The following LRRC37A2 variants were observed in gnomAD, a reference collection of about 807,000 sequenced individuals.
The protein encoded by LRRC37A2 is leucine-rich repeat-containing protein 37A2.
Under a neutral mutation model 68.8 loss-of-function variants are expected in LRRC37A2, and 9 were observed. The ratio of observed to expected loss-of-function variants is 0.13; its 90% CI spans 0.08 to 0.23. The LOEUF is 0.23. LRRC37A2 is among the 10% of genes least tolerant of loss of function. The pLI is 1.00. For missense variants in LRRC37A2, 168 were observed against 950.4 expected, an observed-to-expected ratio of 0.18 and a Z score of 10.82; for synonymous variants, 63 against 367.6, an observed-to-expected ratio of 0.17 and a Z score of 9.48.
At chr17:46,711,575 G>T in the LRRC37A2 span, among the ~76,000 whole-genome samples, 2 of 152,158 alleles carry the variant, frequency 1.3e-5, no homozygotes, top group Non-Finnish European at 2.9e-5. Flanking sequence ...TTTAGCATAG[G>T]GGTGGTCAGG....
chr17:46,496,468 T>C, the LRRC37A2 span, among the ~76,000 whole-genome samples: 1 of 147,574 alleles, frequency 6.8e-6, no homozygotes, highest in Admixed American at 6.7e-5. Context: ...CCTAGTGTGG[T>C]GGCACACGTC....
chr17:46,804,752 A>G, the LRRC37A2 span, among the ~76,000 whole-genome samples: 16 of 152,210 alleles, frequency 1.1e-4, no homozygotes, highest in African/African-American at 3.6e-4. Flanking sequence ...TCTGTCTTAC[A>G]AGAGGTTTGT....
At chr17:46,968,631 C>T in the LRRC37A2 span, 1 of 152,466 alleles carries the variant, frequency 6.6e-6, no homozygotes, top group Non-Finnish European at 1.5e-5. Context: ...AGTTGGCTTG[C>T]TCTTGCGCAC....
At chr17:46,847,294 G>T in the LRRC37A2 span, among the ~76,000 whole-genome samples, 29,774 of 152,094 alleles carry the variant, frequency 0.2, 3,581 homozygotes, top group East Asian at 0.5. Flanking sequence ...GAAAAATCAA[G>T]TCTTCCATCC....
chr17:46,959,898 A>G, the LRRC37A2 span, among the ~76,000 whole-genome samples: 2 of 152,166 alleles, frequency 1.3e-5, no homozygotes, highest in Non-Finnish European at 2.9e-5. Context: ...TTCATGAGAG[A>G]GCTCCTCTAA....
the LRRC37A2 span, chr17:46,965,038 C>T: frequency 1.1e-4 from 16 of 152,172 alleles, no homozygotes; most frequent in Admixed American, 4.6e-4. Context: ...TTTCACCCTC[C>T]GGTAAGTACA....
At chr17:47,003,506 A>G in the LRRC37A2 span, among the ~76,000 whole-genome samples, 1 of 152,250 alleles carries the variant, frequency 6.6e-6, no homozygotes, top group Non-Finnish European at 1.5e-5. Flanking sequence ...AGGAGGGTAC[A>G]GTGCTCTGTC....
chr17:46,633,322 G>GT, the LRRC37A2 span, among the ~76,000 whole-genome samples: 282 of 88,158 alleles, frequency 3.2e-3, 8 homozygotes, highest in African/African-American at 9.0e-3. Context: ...TTGTTTTTTT[G>GT]TTTTTTTTTT....
the LRRC37A2 span, among the ~76,000 whole-genome samples, chr17:46,796,452 T>C: frequency 7.2e-5 from 11 of 152,212 alleles, no homozygotes; most frequent in Non-Finnish European, 1.3e-4. Context: ...TGGCCCACAT[T>C]ACCCAGGTAA....
chr17:46,952,079 G>A, the LRRC37A2 span, among the ~76,000 whole-genome samples: 1 of 152,198 alleles, frequency 6.6e-6, no homozygotes, highest in African/African-American at 2.4e-5. Flanking sequence ...TTTTTGTGAA[G>A]CTATTTTTTT....
At chr17:46,766,137 G>T in the LRRC37A2 span, among the ~76,000 whole-genome samples, 3 of 152,214 alleles carry the variant, frequency 2.0e-5, no homozygotes, top group Non-Finnish European at 4.4e-5. Context: ...GGCCGGGCGC[G>T]GTGGCTCACG....
the LRRC37A2 span, among the ~76,000 whole-genome samples, chr17:46,817,212 T>C: frequency 3.3e-5 from 5 of 152,216 alleles, no homozygotes; most frequent in Admixed American, 6.5e-5. Context: ...CAAGTCTCGC[T>C]GTCTCTGCTC....
chr17:46,685,128 G>A, the LRRC37A2 span, among the ~76,000 whole-genome samples: 2 of 140,230 alleles, frequency 1.4e-5, no homozygotes, highest in Non-Finnish European at 3.1e-5. Flanking sequence ...ACCCTAATGA[G>A]ATACTGAGGA....
the LRRC37A2 span, chr17:46,979,176 T>G: frequency 7.5e-6 from 5 of 665,090 alleles, no homozygotes. Context: ...CGCCTACCCC[T>G]GGGCACCGGG....
the LRRC37A2 span, among the ~76,000 whole-genome samples, chr17:46,816,836 C>A: frequency 6.6e-6 from 1 of 152,142 alleles, no homozygotes; most frequent in Admixed American, 6.5e-5. Context: ...GAAAGCAAGG[C>A]GAAAAACGGC....
At chr17:46,893,958 G>A in the LRRC37A2 span, among the ~76,000 whole-genome samples, 1 of 152,124 alleles carries the variant, frequency 6.6e-6, no homozygotes, top group Non-Finnish European at 1.5e-5. Context: ...AGCACGGCAG[G>A]GTTAGCACAG....
chr17:46,498,747 A>C, the LRRC37A2 span, among the ~76,000 whole-genome samples: 3 of 147,166 alleles, frequency 2.0e-5, no homozygotes, highest in East Asian at 6.0e-4. Flanking sequence ...TCAGAGATAA[A>C]GAGCAGCAGA....
chr17:46,896,779 T>A, the LRRC37A2 span, among the ~76,000 whole-genome samples: 1 of 152,154 alleles, frequency 6.6e-6, no homozygotes, highest in Non-Finnish European at 1.5e-5. Context: ...TCCTTGCCAC[T>A]CACTGTCCCC....
the LRRC37A2 span, among the ~76,000 whole-genome samples, chr17:46,981,968 T>G: frequency 6.6e-6 from 1 of 152,122 alleles, no homozygotes; most frequent in Non-Finnish European, 1.5e-5. Context: ...CCCAAAGTGT[T>G]GGGATTACAG....
Sources: allele counts gnomAD v4.1 joint callset (sites outside exome capture counted in the v4.1 genomes callset), GRCh38; gene constraint gnomAD v4.1.1; transcripts MANE v1.5; gene names NCBI Gene and HGNC (gene_info 2026-07-23, HGNC 2026-07-21).